Variants in TRANK1 observed in about 807,000 individuals in gnomAD.
TRANK1 encodes tetratricopeptide repeat and ankyrin repeat containing 1, also known as TPR and ankyrin repeat-containing protein 1.
Under a neutral mutation model 266.0 loss-of-function variants are expected in TRANK1, and 198 were observed. That is an observed-to-expected ratio of 0.74 (90% CI 0.66 to 0.84). TRANK1 has a LOEUF of 0.84. TRANK1 is among the 40% of genes least tolerant of loss of function. TRANK1 has a pLI of 0.00. For synonymous variants in TRANK1, 1,396 were observed against 1,384.1 expected, an observed-to-expected ratio of 1.01 and a Z score of -0.19; for missense variants, 3,326 against 3,634.6, an observed-to-expected ratio of 0.92 and a Z score of 2.18.
At chr3:36,913,270 C>T (rs1204229633) in intron 1 of TRANK1, among the ~76,000 whole-genome samples, 1 of 152,102 alleles carries the variant, frequency 6.6e-6, no homozygotes, top group Non-Finnish European at 1.5e-5. Flanking sequence ...AGACTGGTCT[C>T]GAACTCCTGA....
chr3:36,884,080 G>C (rs1410925102), intron 8 of TRANK1, among the ~76,000 whole-genome samples: 1 of 152,170 alleles, frequency 6.6e-6, no homozygotes, highest in Non-Finnish European at 1.5e-5. Flanking sequence ...ATATATTGTA[G>C]ATGAACAATA....
At chr3:36,926,996 G>A (rs564351510) in intron 1 of TRANK1, among the ~76,000 whole-genome samples, 11 of 152,140 alleles carry the variant, frequency 7.2e-5, no homozygotes, top group South Asian at 2.1e-4. Context: ...CTTGTTTTGC[G>A]TCTTCTAGAA....
intron 15 of TRANK1, among the ~76,000 whole-genome samples, chr3:36,848,141 T>C (rs998213382): frequency 6.6e-6 from 1 of 152,250 alleles, no homozygotes; most frequent in African/African-American, 2.4e-5. Flanking sequence ...TCTGTCATTT[T>C]GGTGCTAAAC....
chr3:36,898,739 C>G (rs1431161903), intron 4 of TRANK1, among the ~76,000 whole-genome samples: 1 of 151,108 alleles, frequency 6.6e-6, no homozygotes, highest in African/African-American at 2.4e-5. Context: ...TAATCCCAGC[C>G]GCTCGGGAGG....
At chr3:36,873,686 A>G (rs769958965) in intron 9 of TRANK1, among the ~76,000 whole-genome samples, 15 of 152,350 alleles carry the variant, frequency 9.8e-5, no homozygotes, top group East Asian at 3.9e-4. Flanking sequence ...CAAGCACTTC[A>G]TCTTTTACGT....
chr3:36,912,693 A>G (rs1351395394), intron 1 of TRANK1, among the ~76,000 whole-genome samples: 1 of 152,156 alleles, frequency 6.6e-6, no homozygotes, highest in East Asian at 1.9e-4. Flanking sequence ...TGTGGGTTTT[A>G]TGACTCATTG....
chr3:36,917,826 C>T (rs564550147), intron 1 of TRANK1, among the ~76,000 whole-genome samples: 59 of 152,054 alleles, frequency 3.9e-4, no homozygotes, highest in Non-Finnish European at 6.5e-4. Context: ...CACAGATATA[C>T]ATACAATACA....
intron 8 of TRANK1, among the ~76,000 whole-genome samples, chr3:36,875,966 T>C (rs1389654670): frequency 6.6e-6 from 1 of 152,242 alleles, no homozygotes; most frequent in Non-Finnish European, 1.5e-5. Flanking sequence ...ACAGTTTTAT[T>C]TTAAAATATC....
At chr3:36,858,102 C>G in intron 12 of TRANK1, 53 bp from the exon 13 acceptor site, 1 of 1,399,026 alleles carries the variant, frequency 7.1e-7, no homozygotes, top group Non-Finnish European at 9.4e-7. Flanking sequence ...TCTTAGGGGA[C>G]AGCAGACCCT....
In TRANK1 at chr3:36,831,038, T is replaced by C. The variant is rs765945772; in HGVS notation, c.8545A>G (p.Ile2849Val). Residue 2849 changes from isoleucine (I) to valine (V), a missense_variant, in exon 22 of 24, where the codon ATT becomes GTT. By Grantham distance (29) the Ile-to-Val change is conservative. Coordinates refer to ENST00000645898, the MANE Select transcript of TRANK1 (RefSeq NM_001329998.2). This position sits in a 1 kb window ranked among gnomAD's most constrained non-coding sequence, Gnocchi z 5.0. ...EFFHEKVDPA[I>V]DEGKLVVQDI... ...TGCACCACCAGCTTGCCTTCATCAA[T>C]GGCCGGGTCCACCTTCTCGTGGAAA... is the stretch of plus-strand genomic sequence containing the variant. 4 of 1,614,024 alleles carry C rather than the reference T, an allele frequency of 2.5e-6. No individual in the cohort carries two copies. Among genetic ancestry groups the C allele is most frequent in the East Asian group, 4.5e-5 (2 of 44,878 alleles).
At chr3:36,871,353 A>G (rs2079306238) in intron 9 of TRANK1, among the ~76,000 whole-genome samples, 1 of 152,176 alleles carries the variant, frequency 6.6e-6, no homozygotes, top group Non-Finnish European at 1.5e-5. Flanking sequence ...GTGCCACTGC[A>G]CTCCAGCCTG....
At chr3:36,912,513 G>A (rs1203467634) in intron 1 of TRANK1, among the ~76,000 whole-genome samples, 1 of 152,218 alleles carries the variant, frequency 6.6e-6, no homozygotes, top group Non-Finnish European at 1.5e-5. Flanking sequence ...ACAGCTGCCT[G>A]GCTGGCTTTC....
chr3:36,838,684 T>C lies in TRANK1; in HGVS notation c.5313A>G (p.Ala1771=), dbSNP rs953660101. The change falls in exon 19 of 24, where the codon GCA becomes GCG. Residue 1771 remains alanine (A), a synonymous_variant. Coordinates refer to ENST00000645898, the MANE Select transcript of TRANK1 (RefSeq NM_001329998.2). ...VAAKCYQKGG[A]FEKEKLALAH... is the part of the protein sequence containing the mutation. ...CCAGGGCCAACTTCTCCTTCTCAAA[T>C]GCACCTCCTTTCTGGTAACACTTGG... The C allele has an allele frequency of 1.9e-6, 3 of 1,613,638 alleles. No individual in the cohort carries two copies. Among genetic ancestry groups the C allele is most frequent in the Non-Finnish European group, 2.5e-6 (3 of 1,179,812 alleles).
At position 36,909,346 on chromosome 3, in the gene TRANK1, G is replaced by T. The variant is rs550424591; in HGVS notation, c.24-892C>A. Reference sequence around the variant, plus strand: ...GTGGCCTGGGTGGTTGGAGAGAACTGCCTGGCAGCCCTGACCACATGGGGG... The same window carrying T: ...GTGGCCTGGGTGGTTGGAGAGAACTTCCTGGCAGCCCTGACCACATGGGGG... On this transcript the variant is annotated intron_variant, in intron 1 of 23. Coordinates refer to ENST00000645898, the MANE Select transcript of TRANK1 (RefSeq NM_001329998.2). 8.5e-5 allele frequency among the ~76,000 whole-genome samples: 13 copies of T among 152,294 alleles called. 1 individual carries two copies. The highest frequency in any genetic ancestry group is 3.1e-4 in the African/African-American group (13 of 41,552).
intron 20 of TRANK1, among the ~76,000 whole-genome samples, chr3:36,838,006 G>A (rs2078792518): frequency 6.6e-6 from 1 of 152,174 alleles, no homozygotes; most frequent in African/African-American, 2.4e-5. Flanking sequence ...CCATCTAAAT[G>A]CCAGGCCACT....
In TRANK1 at chr3:36,829,671, A is replaced by G. The variant is rs1362566529; in HGVS notation, c.8711-9T>C. On this transcript the variant is annotated splice_polypyrimidine_tract_variant and intron_variant, in intron 22 of 23. Transcript: ENST00000645898. Reference sequence around the variant, plus strand: ...AGTCATCGCCTCCTCCGCTTCAGAAACCAAAGAACATGGCTCTGAGTAAAG... The same window carrying G: ...AGTCATCGCCTCCTCCGCTTCAGAAGCCAAAGAACATGGCTCTGAGTAAAG... The G allele has an allele frequency of 1.4e-5, 22 of 1,612,968 alleles. No homozygotes were observed. The highest frequency in any genetic ancestry group is 1.9e-5 in the Non-Finnish European group (22 of 1,179,804).
chr3:36,889,463 T>G (rs1049558886), intron 8 of TRANK1, among the ~76,000 whole-genome samples: 10 of 152,200 alleles, frequency 6.6e-5, no homozygotes, highest in Non-Finnish European at 1.2e-4. Flanking sequence ...CATGTGCAGT[T>G]CAGTTCACAA....
At chr3:36,864,784 A>G (rs2079190598) in intron 9 of TRANK1, among the ~76,000 whole-genome samples, 2 of 152,180 alleles carry the variant, frequency 1.3e-5, no homozygotes, top group African/African-American at 4.8e-5. Flanking sequence ...TTCATCATGT[A>G]AACAAGTCAG....
rs1042510460 is a variant in TRANK1 at position 36,895,603 on chromosome 3, T to C, written c.552+37A>G. On this transcript the variant is annotated intron_variant, in intron 5 of 23. Transcript: ENST00000645898. The stretch of plus-strand genomic sequence containing the variant: ...TGGAAAGGAATCATTTCATCAAGAA[T>C]GTACTCTCCCCGTGAGAGCCATCTC... 7.1e-6 allele frequency: 9 copies of C among 1,270,414 alleles called. No individual in the cohort carries two copies. In the East Asian group the frequency reaches 1.8e-4, roughly 26 times the overall value. The allele number at this position is 1,270,414 out of a possible 1,614,324, so 78.7% of individuals were successfully genotyped here.
Sources: gnomAD v4.1 joint callset for allele counts (sites outside exome capture counted in the v4.1 genomes callset) on GRCh38, gnomAD v4.1.1 for gene constraint, Gnocchi (gnomAD v3.1) non-coding constraint, MANE v1.5 for transcripts, NCBI Gene and HGNC (gene_info 2026-07-23, HGNC 2026-07-21) for gene names.